CR1: variants seen among roughly 807,000 people sequenced by gnomAD.
CR1 encodes the protein complement receptor type 1.
Under a neutral mutation model 187.3 loss-of-function variants are expected in CR1, and 116 were observed. That is an observed-to-expected ratio of 0.62 (90% CI 0.53 to 0.72). The LOEUF (loss-of-function observed/expected upper bound fraction) is 0.72, where lower values mean the gene tolerates loss of function less well. Ranked by LOEUF, CR1 falls within the 30% of genes least tolerant of loss-of-function variation. CR1 has a pLI of 0.00. For synonymous variants in CR1, 576 were observed against 747.1 expected (o/e 0.77, Z 3.73); for missense variants, 1,731 against 2,110.7 (o/e 0.82, Z 3.52).
intron 32 of CR1, among the ~76,000 whole-genome samples, chr1:207,583,520 G>T (rs1661021507): frequency 6.6e-6 from 1 of 152,194 alleles, no homozygotes; most frequent in South Asian, 2.1e-4. Flanking sequence ...GCAGAAAATA[G>T]TGTGTTAAAA....
chr1:207,633,717 A>G (rs944072381), intron 46 of CR1, among the ~76,000 whole-genome samples: 1 of 152,214 alleles, frequency 6.6e-6, no homozygotes, highest in Non-Finnish European at 1.5e-5. Context: ...ATGTTCAGTA[A>G]TCAACTGAGC....
intron 41 of CR1, among the ~76,000 whole-genome samples, chr1:207,617,230 C>T (rs55912609): frequency 4.6e-5 from 7 of 151,868 alleles, no homozygotes; most frequent in Admixed American, 3.3e-4. Context: ...GAACTGATAA[C>T]GCTATAAAAG....
At chr1:207,606,203 A>G (rs949605634) in intron 35 of CR1, among the ~76,000 whole-genome samples, 1 of 152,206 alleles carries the variant, frequency 6.6e-6, no homozygotes, top group Non-Finnish European at 1.5e-5. Flanking sequence ...TAGAGGACAC[A>G]GGGAAGAAGG....
intron 45 of CR1, 108 bp from the exon 46 acceptor site, chr1:207,630,409 C>T: frequency 3.0e-6 from 2 of 660,320 alleles, no homozygotes. Context: ...ATATCAGGAA[C>T]TTAAGGCAAA....
At chr1:207,635,547 A>G (rs979081666) in intron 46 of CR1, among the ~76,000 whole-genome samples, 4 of 152,132 alleles carry the variant, frequency 2.6e-5, no homozygotes, top group Admixed American at 6.5e-5. Context: ...CGGGTTTTAC[A>G]CCGAGACATT....
intron 46 of CR1, among the ~76,000 whole-genome samples, chr1:207,632,797 C>CAAAGA (rs1662688162): frequency 9.3e-6 from 1 of 107,658 alleles, no homozygotes; most frequent in African/African-American, 4.4e-5. Context: ...GACTCCGTCT[C>CAAAGA]AAAAAAAAAA....
At position 207,607,393 on chromosome 1, in the gene CR1, G is replaced by C. The variant is rs1414611333; in HGVS notation, c.5896+57G>C. ...TCTGTGTGATCCTGACTTGCCCCTG[G>C]AGTACAAAGAATAAATTGAATCCTT... On this transcript the variant is annotated intron_variant, in intron 36 of 46. Transcript: ENST00000367049. 111 of 1,288,878 alleles carry C rather than the reference G, an allele frequency of 8.6e-5. No homozygotes were observed. The East Asian group carries it at 2.5e-3, about 29-fold the overall frequency. The allele number at this position is 1,288,878 out of a possible 1,614,324, so 79.8% of individuals were successfully genotyped here. A position where few individuals can be genotyped will look rare whatever the true frequency, so the allele number is the denominator to read the frequency against.
intron 36 of CR1, among the ~76,000 whole-genome samples, chr1:207,608,560 GA>G (rs1343665320): frequency 7.2e-5 from 11 of 152,122 alleles, no homozygotes; most frequent in Non-Finnish European, 1.3e-4. Flanking sequence ...AAATGAATGA[GA>G]ATGTATACAA....
At chr1:207,581,792 C>A in intron 31 of CR1, 126 bp from the exon 32 acceptor site, 1 of 585,674 alleles carries the variant, frequency 1.7e-6, no homozygotes, top group Non-Finnish European at 3.0e-6. Flanking sequence ...GTGTTTTCAC[C>A]TGTGCTTTAG....
At chr1:207,594,976 TTTAAAAATCTCTCATATGTGTTTGTAA>T (rs1661383724) in intron 35 of CR1, among the ~76,000 whole-genome samples, 1 of 152,178 alleles carries the variant, frequency 6.6e-6, no homozygotes, top group Non-Finnish European at 1.5e-5. Flanking sequence ...GGGGACAATC[TTTAAAAATCTCTCATATGTGTTTGTAA>T]CATAGAATCG....
intron 32 of CR1, among the ~76,000 whole-genome samples, chr1:207,583,732 A>G (rs1010881386): frequency 6.6e-6 from 1 of 152,238 alleles, no homozygotes; most frequent in Non-Finnish European, 1.5e-5. Context: ...CATTGTTGGA[A>G]GTCAGCTATT....
chr1:207,512,469 T>C (rs1299666041), intron 4 of CR1, among the ~76,000 whole-genome samples: 1 of 152,196 alleles, frequency 6.6e-6, no homozygotes, highest in Non-Finnish European at 1.5e-5. Context: ...CTCACTTTAT[T>C]AAAAAATAAT....
chr1:207,584,989 T>C (rs1661070730), intron 33 of CR1, 113 bp downstream of exon 33: 31 of 1,484,216 alleles, frequency 2.1e-5, no homozygotes, highest in Non-Finnish European at 2.5e-5. Context: ...TTGTCATAAG[T>C]GTAAATGTCA....
At chr1:207,513,756 C>CT (rs1442458706) in intron 4 of CR1, among the ~76,000 whole-genome samples, 1 of 121,242 alleles carries the variant, frequency 8.2e-6, no homozygotes, top group African/African-American at 3.2e-5. Flanking sequence ...CCCTCCCTCC[C>CT]TCCCTCCCTT....
intron 27 of CR1, among the ~76,000 whole-genome samples, chr1:207,573,970 A>G (rs1483891101): frequency 6.6e-6 from 1 of 152,098 alleles, no homozygotes; most frequent in African/African-American, 2.4e-5. Context: ...CATCTCTACA[A>G]AAAAGTATAA....
rs774858867 is a variant in CR1, at chr1:207,505,930, C to T, written c.148C>T (p.Pro50Ser). ...TCAATGCAATGCCCCAGAATGGCTT[C>T]CATTTGCCAGGCCTACCAACCTAAC... ...WGQCNAPEWL[P>S]FARPTNLTDE... Residue 50 changes from proline to serine, a missense_variant, in exon 2 of 47, where the codon CCA becomes TCA. Pro to Ser is a moderately conservative substitution (Grantham distance 74). Around this residue, in one of 5 missense-constraint regions of CR1, gnomAD observed 237 missense variants for 240.4 expected, o/e 0.99. Coordinates refer to ENST00000367049, the MANE Select transcript of CR1 (RefSeq NM_000651.6). 1.6e-4 allele frequency: 256 copies of T among 1,613,740 alleles called. No individual in the cohort carries two copies. The highest frequency in any genetic ancestry group is 2.0e-4 in the Non-Finnish European group (240 of 1,179,816).
At chr1:207,580,136 G>A in intron 29 of CR1, 104 bp from the exon 30 acceptor site, 1 of 1,504,590 alleles carries the variant, frequency 6.6e-7, no homozygotes, top group Non-Finnish European at 9.0e-7. Context: ...GTGCTAGGGA[G>A]AATTGGGTTC....
intron 4 of CR1, among the ~76,000 whole-genome samples, chr1:207,523,231 AT>A (rs1377688425): frequency 6.6e-6 from 1 of 152,072 alleles, no homozygotes; most frequent in African/African-American, 2.4e-5. Flanking sequence ...CTTTTAGCAA[AT>A]GTTTTTGTAT....
At chr1:207,567,749 C>G (rs902550608) in intron 24 of CR1, 75 bp from the exon 25 acceptor site, 39 of 1,580,802 alleles carry the variant, frequency 2.5e-5, no homozygotes, top group Non-Finnish European at 2.4e-5. Context: ...CAACACCAAT[C>G]ATAGCACCCT....
Sources: gnomAD v4.1 joint callset for allele counts (sites outside exome capture counted in the v4.1 genomes callset) on GRCh38, gnomAD v4.1.1 for gene constraint, gnomAD v4.1.1 regional missense constraint, MANE v1.5 for transcripts, NCBI Gene and HGNC (gene_info 2026-07-23, HGNC 2026-07-21) for gene names.